Variants in HIVEP3 observed in about 807,000 individuals in gnomAD.
HIVEP3 encodes transcription factor HIVEP3.
Under a neutral mutation model 152.8 loss-of-function variants are expected in HIVEP3, and 49 were observed. The ratio of observed to expected loss-of-function variants is 0.32; its 90% CI spans 0.26 to 0.41. The LOEUF (loss-of-function observed/expected upper bound fraction) is 0.41. Among genes scored for constraint, HIVEP3 ranks in the 10% least tolerant of loss-of-function variants. The pLI is 1.00. For missense variants in HIVEP3, 2,790 were observed against 3,103.3 expected, an observed-to-expected ratio of 0.90 and a Z score of 2.40; for synonymous variants, 1,269 against 1,289.0, an observed-to-expected ratio of 0.98 and a Z score of 0.33.
intron 1 of HIVEP3, among the ~76,000 whole-genome samples, chr1:41,989,714 AG>A (rs1226071366): frequency 7.1e-6 from 1 of 141,596 alleles, no homozygotes; most frequent in African/African-American, 2.7e-5. Context: ...ACTCAGCAAA[AG>A]AAAAAAAAAT....
rs139166501 is a variant in HIVEP3, at chr1:41,857,582, C to A, written c.-801+60831G>T. Among the ~76,000 whole-genome samples the A allele has an allele frequency of 1.1e-3, 175 of 152,254 alleles. 1 individual carries two copies. Among genetic ancestry groups the A allele is most frequent in the African/African-American group, 3.9e-3 (162 of 41,534 alleles). ...CTTTCTAAATAACATGGGGTTTTCT[C>A]CTTAAACAGAGGAACTAGACGGGAA... On this transcript the variant is annotated intron_variant, in intron 1 of 8. Transcript: ENST00000372583.
chr1:41,955,944 A>G lies in HIVEP3; in HGVS notation n.120-37420T>C, dbSNP rs1378492635. Among the ~76,000 whole-genome samples, 4 of 152,368 alleles carry G rather than the reference A, an allele frequency of 2.6e-5. No individual in the cohort carries two copies. In the East Asian group the frequency reaches 7.7e-4, roughly 29 times the overall value. On this transcript the variant is annotated intron_variant and non_coding_transcript_variant, in intron 1 of 3. Transcript: ENST00000489103. ...TGAAGGAAAAATCTGGAACTCTTCT[A>G]CAGTCAAAAGATAGAGAGGCGAGCT...
intron 5 of HIVEP3, among the ~76,000 whole-genome samples, chr1:41,567,636 A>G (rs1644186668): frequency 6.6e-6 from 1 of 152,250 alleles, no homozygotes; most frequent in Admixed American, 6.5e-5. Flanking sequence ...CCCAGAGCTG[A>G]GAACGTAGGA....
At chr1:41,726,338 T>G (rs1646751826) in intron 1 of HIVEP3, among the ~76,000 whole-genome samples, 1 of 152,122 alleles carries the variant, frequency 6.6e-6, no homozygotes, top group Non-Finnish European at 1.5e-5. Flanking sequence ...ATCTCTAAGT[T>G]GTAACAGGGA....
At chr1:41,590,399 G>T (rs1644570370) in intron 3 of HIVEP3, among the ~76,000 whole-genome samples, 1 of 152,188 alleles carries the variant, frequency 6.6e-6, no homozygotes, top group Non-Finnish European at 1.5e-5. Flanking sequence ...AGCTAGTTCT[G>T]GCCAATGATG....
At chr1:41,872,467 G>A (rs905321566) in intron 1 of HIVEP3, among the ~76,000 whole-genome samples, 1 of 152,098 alleles carries the variant, frequency 6.6e-6, no homozygotes, top group Admixed American at 6.6e-5. Flanking sequence ...TCATCCACAA[G>A]AACTCAAATA....
chr1:41,744,460 C>T (rs940624229), intron 1 of HIVEP3, among the ~76,000 whole-genome samples: 2 of 152,236 alleles, frequency 1.3e-5, no homozygotes, highest in Non-Finnish European at 2.9e-5. Context: ...GGGTGCCAGT[C>T]TTTGGCCATG....
intron 1 of HIVEP3, among the ~76,000 whole-genome samples, chr1:41,740,687 C>G (rs1163466657): frequency 6.6e-6 from 1 of 152,234 alleles, no homozygotes; most frequent in Non-Finnish European, 1.5e-5. Context: ...TCCTGACAAC[C>G]AACGTGTGGG....
At chr1:41,527,033 C>T (rs1350000052) in intron 5 of HIVEP3, among the ~76,000 whole-genome samples, 1 of 87,738 alleles carries the variant, frequency 1.1e-5, no homozygotes, top group Non-Finnish European at 2.5e-5. Flanking sequence ...TCACCCCCCA[C>T]CCTCACACAC....
At chr1:41,569,787 C>T (rs913697102) in intron 5 of HIVEP3, among the ~76,000 whole-genome samples, 7 of 152,240 alleles carry the variant, frequency 4.6e-5, no homozygotes, top group Non-Finnish European at 7.4e-5. Context: ...AAACGTGCTG[C>T]GTACACTGCA....
At chr1:41,525,117 CG>C (rs544059492) in intron 5 of HIVEP3, among the ~76,000 whole-genome samples, 1 of 152,154 alleles carries the variant, frequency 6.6e-6, no homozygotes, top group Non-Finnish European at 1.5e-5. Context: ...CCCCCTCAGA[CG>C]GGGGGTTGCA....
chr1:41,587,626 T>A (rs1218810712), intron 3 of HIVEP3, among the ~76,000 whole-genome samples: 1 of 152,232 alleles, frequency 6.6e-6, no homozygotes, highest in Non-Finnish European at 1.5e-5. Flanking sequence ...ATCTCTTCTA[T>A]GGAGACTAAA....
chr1:41,714,905 G>A (rs891353513), intron 1 of HIVEP3, among the ~76,000 whole-genome samples: 5 of 152,074 alleles, frequency 3.3e-5, no homozygotes, highest in Admixed American at 1.3e-4. Flanking sequence ...GAGTTTTCTG[G>A]GGGGAGGTGT....
At position 41,820,593 on chromosome 1, in the gene HIVEP3, G is replaced by A. The variant is rs76979048; in HGVS notation, c.-801+97820C>T. Among the ~76,000 whole-genome samples the A allele has an allele frequency of 5.4e-3, 817 of 152,314 alleles. 6 individuals carry two copies. Among genetic ancestry groups the A allele is most frequent in the African/African-American group, 0.019 (775 of 41,562 alleles). On this transcript the variant is annotated intron_variant, in intron 1 of 8. Transcript: ENST00000372583. The stretch of plus-strand genomic sequence containing the variant: ...TTTCAGCTTTCTTTTGGTAGTGTAT[G>A]TCTGAGAAATAGCCATCCATTTAAA...
intron 1 of HIVEP3, among the ~76,000 whole-genome samples, chr1:41,980,557 T>C (rs1203631841): frequency 2.0e-5 from 3 of 152,182 alleles, no homozygotes; most frequent in South Asian, 2.1e-4. Flanking sequence ...GGGGTGAAGA[T>C]TGCCTACAAT....
intron 1 of HIVEP3, among the ~76,000 whole-genome samples, chr1:41,774,682 A>G (rs1648579661): frequency 6.6e-6 from 1 of 152,220 alleles, no homozygotes. Flanking sequence ...ATTAAATAAT[A>G]CATTTTAGAG....
intron 1 of HIVEP3, among the ~76,000 whole-genome samples, chr1:41,899,846 G>T (rs917220194): frequency 2.0e-5 from 3 of 152,142 alleles, no homozygotes; most frequent in Non-Finnish European, 2.9e-5. Flanking sequence ...ATCTGCCCAA[G>T]ATCCTGTAAG....
intron 1 of HIVEP3, among the ~76,000 whole-genome samples, chr1:41,890,791 G>A (rs1344893607): frequency 1.3e-5 from 2 of 152,246 alleles, no homozygotes; most frequent in African/African-American, 2.4e-5. Context: ...GGGTCAGGGG[G>A]ATGAGAAATG....
At chr1:41,539,104 T>A (rs1340663610) in intron 5 of HIVEP3, among the ~76,000 whole-genome samples, 2 of 152,310 alleles carry the variant, frequency 1.3e-5, no homozygotes, top group South Asian at 2.1e-4. Context: ...ACATTCATGC[T>A]TGGAAGTTCC....
Sources: gnomAD v4.1 joint callset for allele counts (sites outside exome capture counted in the v4.1 genomes callset) on GRCh38, gnomAD v4.1.1 for gene constraint, MANE v1.5 for transcripts, NCBI Gene and HGNC (gene_info 2026-07-23, HGNC 2026-07-21) for gene names.